ZNF558: variants seen among roughly 807,000 people sequenced by gnomAD.
The protein encoded by ZNF558 is zinc finger protein 558.
Under a neutral mutation model 37.6 loss-of-function variants are expected in ZNF558, and 23 were observed. The observed-to-expected ratio is 0.61, with a 90% CI of 0.44 to 0.87. The LOEUF (loss-of-function observed/expected upper bound fraction) is 0.87, where lower values mean the gene tolerates loss of function less well. ZNF558 is among the 40% of genes least tolerant of loss of function. The pLI, the probability that ZNF558 is intolerant of heterozygous loss-of-function variation, is 0.00. For synonymous variants in ZNF558, 189 were observed against 174.4 expected, an observed-to-expected ratio of 1.08 and a Z score of -0.66; for missense variants, 429 against 483.7, an observed-to-expected ratio of 0.89 and a Z score of 1.06.
At chr19:8,829,606 T>A (rs555874007) in intron 2 of ZNF558, among the ~76,000 whole-genome samples, 5 of 152,298 alleles carry the variant, frequency 3.3e-5, no homozygotes, top group African/African-American at 1.2e-4. Context: ...CCATTTCAGG[T>A]CCTCCAGGGT....
rs781807109 is a variant in ZNF558, at chr19:8,812,089, C to T, written c.427-26G>A. The T allele has an allele frequency of 1.0e-5, 15 of 1,486,814 alleles. No homozygotes were observed. The East Asian group carries it at 2.1e-4, about 21-fold the overall frequency. 92.1% of individuals were successfully genotyped at this position (1,486,814 alleles called of 1,614,324 possible). On this transcript the variant is annotated intron_variant, in intron 9 of 9. Coordinates refer to ENST00000601372, the MANE Select transcript of ZNF558 (RefSeq NM_144693.3). ...CTGTGGATTAAGAGATGAATGATAA[C>T]TATAATTTATAATATTTGAAATACT...
In ZNF558 at chr19:8,811,482, A is replaced by C; in HGVS notation, c.1008T>G (p.Thr336=). Residue 336 remains threonine (T), a synonymous_variant, in exon 10 of 10, where the codon ACT becomes ACG. Coordinates refer to ENST00000601372, the MANE Select transcript of ZNF558 (RefSeq NM_144693.3). ...CTCCGGTATGTATTCTCTTGTGCAC[A>C]GTAAGAGAAAAGCTACTGCTGAAGG... ...GKSFSSSFSL[T]VHKRIHTGEK... 6.2e-7 allele frequency: 1 copy of C among 1,614,140 alleles called. No homozygotes were observed. The highest frequency in any genetic ancestry group is 8.5e-7 in the Non-Finnish European group (1 of 1,179,992).
chr19:8,811,124 G>A lies in ZNF558; in HGVS notation c.*157C>T. ...CTTGAATTCCTGATCTGTAGAAATT[G>A]TTAGAGAATAAACATTTCGTGTTTG... On this transcript the variant is annotated 3_prime_UTR_variant, in exon 10 of 10. Coordinates refer to ENST00000601372, the MANE Select transcript of ZNF558 (RefSeq NM_144693.3). The A allele has an allele frequency of 1.5e-6, 1 of 650,794 alleles. No homozygotes were observed. The highest frequency in any genetic ancestry group is 2.8e-5 in the East Asian group (1 of 35,604). 40.3% of individuals were successfully genotyped at this position (650,794 alleles called of 1,614,324 possible).
rs1279200991 is a variant in ZNF558, at chr19:8,824,352, A to C, written c.-336T>G. The C allele has an allele frequency of 2.0e-5, 3 of 152,248 alleles. No individual in the cohort carries two copies. Among genetic ancestry groups the C allele is most frequent in the African/African-American group, 7.2e-5 (3 of 41,452 alleles). 9.4% of individuals were successfully genotyped at this position (152,248 alleles called of 1,614,324 possible). A position where few individuals can be genotyped will look rare whatever the true frequency, so the allele number is the denominator to read the frequency against. ...TACCCGTTGAGCCTTCAGATGATGC[A>C]GACCCAGCTGACAGCCTTCTGCAAG... On this transcript the variant is annotated 5_prime_UTR_variant, in exon 4 of 10. Transcript: ENST00000601372.
upstream of ZNF558, among the ~76,000 whole-genome samples, chr19:8,834,179 T>C (rs2044426790): frequency 6.6e-6 from 1 of 152,186 alleles, no homozygotes; most frequent in African/African-American, 2.4e-5. Flanking sequence ...TTCCCAAAAA[T>C]ATCCATTTTC....
At chr19:8,836,835 C>T (rs975585821), upstream of ZNF558, among the ~76,000 whole-genome samples, 2 of 152,036 alleles carry the variant, frequency 1.3e-5, no homozygotes, top group Non-Finnish European at 2.9e-5. Context: ...TATTAAATGG[C>T]AAAACAAACT....
intron 6 of ZNF558, chr19:8,821,589 C>G (rs2044092396): frequency 2.2e-6 from 3 of 1,364,182 alleles, no homozygotes; most frequent in South Asian, 1.7e-5. Context: ...GAGCAGCTGC[C>G]TTTTCTCACT....
intron 7 of ZNF558, among the ~76,000 whole-genome samples, chr19:8,816,075 C>T (rs1217098349): frequency 6.6e-6 from 1 of 151,960 alleles, no homozygotes; most frequent in Non-Finnish European, 1.5e-5. Flanking sequence ...CACACACACA[C>T]ACATTTTTTG....
Position 8,812,638 on chromosome 19 carries a change from C to T in ZNF558, c.349G>A (p.Glu117Lys), listed in dbSNP as rs2043824178. Residue 117 changes from glutamate (E) to lysine (K), a missense_variant, in exon 9 of 10, where the codon GAG (glutamate) becomes AAG (lysine). Glu to Lys is a moderately conservative substitution (Grantham distance 56). Coordinates refer to ENST00000601372, the MANE Select transcript of ZNF558 (RefSeq NM_144693.3). ...AACCATTTGGCTTTAAGTAGAGTCT[C>T]CAAATCTGAAACAAATTGAAAAGAA... ...GILPSTCPDL[E>K]TLLKAKWLTP... 6.3e-7 allele frequency: 1 copy of T among 1,586,638 alleles called. No individual in the cohort carries two copies.
upstream of ZNF558, among the ~76,000 whole-genome samples, chr19:8,834,648 A>C (rs573451234): frequency 1.8e-4 from 28 of 151,830 alleles, no homozygotes; most frequent in East Asian, 3.9e-4. Flanking sequence ...CAAAAAAAAA[A>C]CCAACCAACC....
chr19:8,821,971 T>A, intron 6 of ZNF558, 32 bp downstream of exon 6: 1 of 1,613,092 alleles, frequency 6.2e-7, no homozygotes, highest in Non-Finnish European at 8.5e-7. Flanking sequence ...GCCAAAGGAA[T>A]AATGATTTGG....
chr19:8,819,082 G>A (rs752266052), intron 7 of ZNF558, among the ~76,000 whole-genome samples: 8 of 151,536 alleles, frequency 5.3e-5, no homozygotes, highest in South Asian at 2.1e-4. Context: ...AAAACATAGG[G>A]GTAGATCTTC....
Position 8,811,038 on chromosome 19 carries a change from C to A in ZNF558, c.*243G>T. On this transcript the variant is annotated 3_prime_UTR_variant, in exon 10 of 10. Transcript: ENST00000601372. ...GTTAGATGACTATAGCTTTGGCTGACATCTTGATTGTAAGTAAAGGCATGA... is the reference window on the plus strand; with the variant it reads ...GTTAGATGACTATAGCTTTGGCTGAAATCTTGATTGTAAGTAAAGGCATGA... 2.3e-6 allele frequency: 1 copy of A among 428,052 alleles called. No homozygotes were observed. The highest frequency in any genetic ancestry group is 4.2e-6 in the Non-Finnish European group (1 of 240,764). 26.5% of individuals were successfully genotyped at this position (428,052 alleles called of 1,614,324 possible).
intron 7 of ZNF558, among the ~76,000 whole-genome samples, chr19:8,813,711 A>C (rs2043857447): frequency 6.6e-6 from 1 of 152,208 alleles, no homozygotes; most frequent in African/African-American, 2.4e-5. Context: ...ACTGAACAAA[A>C]ATGCAACAAG....
At position 8,828,187 on chromosome 19, in the gene ZNF558, G is replaced by A. The variant is rs552747341; in HGVS notation, c.-508-3079C>T. Among the ~76,000 whole-genome samples, 6 of 152,340 alleles carry A rather than the reference G, an allele frequency of 3.9e-5. No individual in the cohort carries two copies. In the South Asian group the frequency reaches 6.2e-4, roughly 16 times the overall value. ...AGCCCCAAAAGTAAATATGGAACTT[G>A]TTAAACAGGAAGGTAATAGTAACCT... On this transcript the variant is annotated intron_variant, in intron 2 of 9. Transcript: ENST00000601372.
upstream of ZNF558, chr19:8,832,558 G>A (rs1487568923): frequency 6.5e-6 from 1 of 153,162 alleles, no homozygotes; most frequent in East Asian, 1.9e-4. Context: ...CAGGCTGTGA[G>A]CCGCACGAGG....
intron 2 of ZNF558, among the ~76,000 whole-genome samples, chr19:8,827,566 CTATT>C (rs921958276): frequency 5.6e-5 from 8 of 141,938 alleles, no homozygotes; most frequent in Non-Finnish European, 1.1e-4. Flanking sequence ...ACTTCTTTCC[CTATT>C]CTTTTTTTTT....
Position 8,811,806 on chromosome 19 carries a change from T to C in ZNF558, c.684A>G (p.Arg228=), listed in dbSNP as rs1555768191. 6.2e-7 allele frequency: 1 copy of C among 1,614,192 alleles called. No individual in the cohort carries two copies. Residue 228 remains arginine (R), a synonymous_variant, in exon 10 of 10, where the codon AGA becomes AGG. Transcript: ENST00000601372. ...CATAGGGTTTTTCTCCAGTGTGAAT[T>C]CTCAAATGCAGTCTAAGGGATGAGG... ...SDPSSLRLHL[R]IHTGEKPYEC... is the part of the protein sequence containing the mutation.
intron 2 of ZNF558, among the ~76,000 whole-genome samples, chr19:8,828,390 A>G (rs973562734): frequency 2.6e-5 from 4 of 152,136 alleles, no homozygotes; most frequent in Admixed American, 6.6e-5. Context: ...ATGAAGGCTG[A>G]GCTTCAGCGT....
Sources: allele counts gnomAD v4.1 joint callset (sites outside exome capture counted in the v4.1 genomes callset), GRCh38; gene constraint gnomAD v4.1.1; transcripts MANE v1.5; gene names NCBI Gene and HGNC (gene_info 2026-07-23, HGNC 2026-07-21).